The following RIMKLA variants were observed in gnomAD, a reference collection of about 807,000 sequenced individuals.
The protein encoded by RIMKLA is ribosomal modification protein rimK like family member A.
In RIMKLA, 14 loss-of-function variants were observed where a neutral mutation model predicts 32.7. The observed-to-expected ratio is 0.43, with a 90% CI of 0.28 to 0.67. The LOEUF is 0.67. RIMKLA is among the 30% of genes least tolerant of loss of function. RIMKLA has a pLI of 0.18. For missense variants in RIMKLA, 410 were observed against 519.0 expected (o/e 0.79, Z 2.04); for synonymous variants, 176 against 204.1 (o/e 0.86, Z 1.18).
intron 3 of RIMKLA, among the ~76,000 whole-genome samples, chr1:42,409,578 C>T (rs1298791629): frequency 6.6e-6 from 1 of 152,194 alleles, no homozygotes; most frequent in Admixed American, 6.5e-5. Flanking sequence ...GTGCATCCAG[C>T]CCAGTGTTAG....
chr1:42,389,894 C>A (rs1642985949), intron 1 of RIMKLA, among the ~76,000 whole-genome samples: 1 of 151,908 alleles, frequency 6.6e-6, no homozygotes, highest in East Asian at 1.9e-4. Context: ...ATTAGCAACC[C>A]CAATAAGAGC....
Position 42,381,112 on chromosome 1 carries a change from C to G in RIMKLA, c.163+15C>G. 8.0e-7 allele frequency: 1 copy of G among 1,245,948 alleles called. No individual in the cohort carries two copies. Among genetic ancestry groups the G allele is most frequent in the Middle Eastern group, 3.1e-4 (1 of 3,230 alleles). 77.2% of individuals were successfully genotyped at this position (1,245,948 alleles called of 1,614,324 possible). A position where few individuals can be genotyped will look rare whatever the true frequency, so the allele number is the denominator to read the frequency against. On this transcript the variant is annotated intron_variant, in intron 1 of 4. Transcript: ENST00000431473. The stretch of plus-strand genomic sequence containing the variant: ...CGGCCACCTCGGTGAGCGAGGCGGG[C>G]CCGGGGAGGGCAGGGAGGCGCGCCG...
intron 1 of RIMKLA, among the ~76,000 whole-genome samples, chr1:42,385,807 CT>C: frequency 1.1e-5 from 1 of 89,426 alleles, no homozygotes; most frequent in Non-Finnish European, 2.6e-5. Context: ...TTCTCTCTCT[CT>C]TTCCTTCCTT....
At chr1:42,395,617 A>T (rs1158458361) in intron 1 of RIMKLA, among the ~76,000 whole-genome samples, 1 of 152,158 alleles carries the variant, frequency 6.6e-6, no homozygotes, top group East Asian at 1.9e-4. Context: ...ATCCTGCATC[A>T]GCTCTTCGTT....
rs1643261910 is a variant in RIMKLA, at chr1:42,417,736, T to C, written c.*2762T>C. The C allele has an allele frequency of 6.6e-6, 1 of 152,178 alleles. No homozygotes were observed. The highest frequency in any genetic ancestry group is 2.4e-5 in the African/African-American group (1 of 41,414). The allele number at this position is 152,178 out of a possible 1,614,324, so 9.4% of individuals were successfully genotyped here. A position where few individuals can be genotyped will look rare whatever the true frequency, so the allele number is the denominator to read the frequency against. On this transcript the variant is annotated 3_prime_UTR_variant, in exon 5 of 5. Transcript: ENST00000431473. The stretch of plus-strand genomic sequence containing the variant: ...ACTTCGGGAGGCCGAGGCGGGTGGA[T>C]CATGAGGTCAGGAGATTGAGACCAT...
chr1:42,402,078 G>A lies in RIMKLA; in HGVS notation c.395-2433G>A, dbSNP rs533226744. 2.6e-5 allele frequency among the ~76,000 whole-genome samples: 4 copies of A among 152,290 alleles called. No homozygotes were observed. The East Asian group carries it at 7.7e-4, about 29-fold the overall frequency. On this transcript the variant is annotated intron_variant, in intron 2 of 4. Coordinates refer to ENST00000431473, the MANE Select transcript of RIMKLA (RefSeq NM_173642.4). ...TCTTACAAAACATCCTCTTCATGAA[G>A]ATGCCCCTAATTACGTTCACGGCCT...
chr1:42,413,119 G>A (rs1023211563), intron 4 of RIMKLA, among the ~76,000 whole-genome samples: 80 of 152,116 alleles, frequency 5.3e-4, no homozygotes, highest in African/African-American at 1.9e-3. Flanking sequence ...GGGCGACAGA[G>A]TGAGACTCTG....
intron 1 of RIMKLA, among the ~76,000 whole-genome samples, chr1:42,393,297 A>G (rs991889262): frequency 1.3e-5 from 2 of 152,196 alleles, no homozygotes; most frequent in Non-Finnish European, 2.9e-5. Flanking sequence ...CCCTGAATGA[A>G]TATGTGAAAC....
chr1:42,385,808 T>TTCC (rs1642934309), intron 1 of RIMKLA, among the ~76,000 whole-genome samples: 1 of 75,882 alleles, frequency 1.3e-5, no homozygotes, highest in Admixed American at 1.3e-4. Context: ...TCTCTCTCTC[T>TTCC]TTCCTTCCTT....
Position 42,410,143 on chromosome 1 carries a change from T to C in RIMKLA, c.641T>C (p.Leu214Pro). The C allele has an allele frequency of 1.2e-6, 2 of 1,614,158 alleles. No homozygotes were observed. The highest frequency in any genetic ancestry group is 1.7e-6 in the Non-Finnish European group (2 of 1,180,028). Residue 214 changes from leucine (L) to proline (P), a missense_variant, in exon 4 of 5, where the codon CTT becomes CCT. Physicochemically the swap from Leu to Pro is moderately conservative, Grantham distance 98. Coordinates refer to ENST00000431473, the MANE Select transcript of RIMKLA (RefSeq NM_173642.4). ...GGGGGCCAGGTCATAGGCTCTATGC[T>C]TCGCTGCTCCACTGATGGACGGATG... ...VVGGQVIGSM[L>P]RCSTDGRMQS...
chr1:42,403,146 C>T (rs34364474), intron 2 of RIMKLA, among the ~76,000 whole-genome samples: 26,932 of 152,086 alleles, frequency 0.18, 2,487 homozygotes, highest in East Asian at 0.22. Context: ...ACCTCCCTCT[C>T]TTACTTAATG....
rs548201530 is a variant in RIMKLA, at chr1:42,414,400, C to G, written c.686-84C>G. On this transcript the variant is annotated intron_variant, in intron 4 of 4. Transcript: ENST00000431473. ...AATGATCGAGCCTCTCTTTCTGCCCCTCCTGGGCAGATCCCTGTCTCTTCT... is the reference window on the plus strand; with the variant it reads ...AATGATCGAGCCTCTCTTTCTGCCCGTCCTGGGCAGATCCCTGTCTCTTCT... 3.8e-5 allele frequency: 55 copies of G among 1,430,396 alleles called. No homozygotes were observed. In the East Asian group the frequency reaches 1.1e-3, roughly 28 times the overall value. 88.6% of individuals were successfully genotyped at this position (1,430,396 alleles called of 1,614,324 possible). A position where few individuals can be genotyped will look rare whatever the true frequency, so the allele number is the denominator to read the frequency against.
intron 4 of RIMKLA, chr1:42,412,456 G>A: frequency 3.1e-6 from 1 of 326,114 alleles, no homozygotes; most frequent in Non-Finnish European, 6.0e-6. Context: ...TTCTTCACAG[G>A]CCATGATGGC....
chr1:42,409,924 G>C, intron 3 of RIMKLA, 60 bp from the exon 4 acceptor site: 1 of 1,338,562 alleles, frequency 7.5e-7, no homozygotes. Context: ...GAGGCCAGAT[G>C]GCAAGTACAG....
chr1:42,411,633 G>A (rs1478569888), intron 4 of RIMKLA, among the ~76,000 whole-genome samples: 2 of 149,402 alleles, frequency 1.3e-5, no homozygotes, highest in African/African-American at 5.0e-5. Context: ...GCTGATTTTT[G>A]TATTTTTATT....
intron 3 of RIMKLA, among the ~76,000 whole-genome samples, chr1:42,406,078 T>C (rs1023706491): frequency 3.3e-5 from 5 of 152,186 alleles, no homozygotes; most frequent in African/African-American, 9.7e-5. Context: ...ATTGAGTGTC[T>C]ACAAAATGCC....
At chr1:42,394,412 A>C (rs995679319) in intron 1 of RIMKLA, among the ~76,000 whole-genome samples, 15 of 152,196 alleles carry the variant, frequency 9.9e-5, no homozygotes, top group Admixed American at 2.6e-4. Context: ...GCTTTGTGTA[A>C]ATGCAAAGAC....
intron 1 of RIMKLA, chr1:42,396,587 A>G (rs1398706776): frequency 6.6e-6 from 1 of 152,096 alleles, no homozygotes; most frequent in Non-Finnish European, 1.5e-5. Context: ...GAAATGATTG[A>G]ATTCTTTTCT....
At position 42,418,947 on chromosome 1, in the gene RIMKLA, G is replaced by A. The variant is rs1377574190; in HGVS notation, c.*3973G>A. The A allele has an allele frequency of 1.3e-5, 2 of 152,216 alleles. No individual in the cohort carries two copies. Among genetic ancestry groups the A allele is most frequent in the Non-Finnish European group, 2.9e-5 (2 of 68,058 alleles). The allele number at this position is 152,216 out of a possible 1,614,324, so 9.4% of individuals were successfully genotyped here. Reference sequence around the variant, plus strand: ...TTCCTTTGCAACTGGAGGTAAGCCTGTTTGCCATTAGTCTGAGTGGATGTC... The same window carrying A: ...TTCCTTTGCAACTGGAGGTAAGCCTATTTGCCATTAGTCTGAGTGGATGTC... On this transcript the variant is annotated 3_prime_UTR_variant, in exon 5 of 5. Transcript: ENST00000431473.
Sources: allele counts gnomAD v4.1 joint callset (sites outside exome capture counted in the v4.1 genomes callset), GRCh38; gene constraint gnomAD v4.1.1; transcripts MANE v1.5; gene names NCBI Gene and HGNC (gene_info 2026-07-23, HGNC 2026-07-21).